The following GPC5 variants were observed in gnomAD, a reference collection of about 807,000 sequenced individuals.
The protein encoded by GPC5 is glypican 5.
Under a neutral mutation model 53.9 loss-of-function variants are expected in GPC5, and 47 were observed. The ratio of observed to expected loss-of-function variants is 0.87; its 90% confidence interval spans 0.69 to 1.11. The LOEUF is 1.11. Among genes scored for constraint, GPC5 ranks in the 50% most tolerant of loss-of-function variants. The pLI is 0.00. For synonymous variants in GPC5, 286 were observed against 263.3 expected, an observed-to-expected ratio of 1.09 and a Z score of -0.84; for missense variants, 748 against 713.1, an observed-to-expected ratio of 1.05 and a Z score of -0.56.
chr13:91,497,186 A>G (rs1189120005), intron 2 of GPC5, among the ~76,000 whole-genome samples: 5 of 152,170 alleles, frequency 3.3e-5, no homozygotes, highest in Non-Finnish European at 5.9e-5. Context: ...AGTTTTATAT[A>G]TAGATCTAGC....
At chr13:92,628,732 C>G (rs148512843) in intron 7 of GPC5, among the ~76,000 whole-genome samples, 75 of 152,198 alleles carry the variant, frequency 4.9e-4, no homozygotes, top group African/African-American at 1.8e-3. Context: ...GTGTTCAAAC[C>G]CCTGACTCCT....
At chr13:92,058,438 C>T (rs2041093958) in intron 6 of GPC5, among the ~76,000 whole-genome samples, 1 of 152,180 alleles carries the variant, frequency 6.6e-6, no homozygotes. Context: ...ACATGCACAA[C>T]CTTGCTCACT....
intron 7 of GPC5, among the ~76,000 whole-genome samples, chr13:92,349,558 A>G (rs981634824): frequency 6.6e-5 from 10 of 151,998 alleles, no homozygotes; most frequent in Non-Finnish European, 1.2e-4. Context: ...TCTGAGGTGA[A>G]ATCAGAGACA....
chr13:92,460,312 A>G (rs1261593868), intron 7 of GPC5, among the ~76,000 whole-genome samples: 1 of 152,148 alleles, frequency 6.6e-6, no homozygotes, highest in Non-Finnish European at 1.5e-5. Flanking sequence ...AAATCAATGT[A>G]TTTTAAAAAA....
At position 92,252,563 on chromosome 13, in the gene GPC5, A is replaced by G. The variant is rs149711524; in HGVS notation, c.1561+107574A>G. On this transcript the variant is annotated intron_variant, in intron 7 of 7. Transcript: ENST00000377067. The stretch of plus-strand genomic sequence containing the variant: ...GGTAAGAATGTTATAGAGTAAAAAT[A>G]CATCTATAGATATGTATTTACATAT... Among the ~76,000 whole-genome samples, 766 of 152,198 alleles carry G rather than the reference A, an allele frequency of 5.0e-3. 11 individuals are homozygous for G. Among genetic ancestry groups the G allele is most frequent in the South Asian group, 0.04 (192 of 4,830 alleles).
At chr13:92,445,367 A>G (rs1438127080) in intron 7 of GPC5, among the ~76,000 whole-genome samples, 1 of 149,724 alleles carries the variant, frequency 6.7e-6, no homozygotes, top group Non-Finnish European at 1.5e-5. Flanking sequence ...CACATTGTGC[A>G]GGTTAGTTAC....
chr13:92,281,231 G>A (rs886124450), intron 7 of GPC5, among the ~76,000 whole-genome samples: 1 of 152,198 alleles, frequency 6.6e-6, no homozygotes, highest in Non-Finnish European at 1.5e-5. Context: ...GGCTTCAGTA[G>A]GTAAACAGAG....
chr13:92,313,574 C>A (rs2043159529), intron 7 of GPC5, among the ~76,000 whole-genome samples: 1 of 152,174 alleles, frequency 6.6e-6, no homozygotes, highest in Non-Finnish European at 1.5e-5. Flanking sequence ...GAAGTTGTTT[C>A]CCTTGCATCA....
At chr13:92,411,729 A>C (rs1337020832) in intron 7 of GPC5, among the ~76,000 whole-genome samples, 1 of 152,206 alleles carries the variant, frequency 6.6e-6, no homozygotes, top group East Asian at 1.9e-4. Flanking sequence ...TGCCCTAATT[A>C]AACAAGTATC....
chr13:92,259,284 T>C (rs2042748474), intron 7 of GPC5, among the ~76,000 whole-genome samples: 1 of 152,186 alleles, frequency 6.6e-6, no homozygotes, highest in Admixed American at 6.5e-5. Context: ...TGTTCTCCCT[T>C]CCTCTTTCCG....
chr13:91,554,932 CA>C (rs1368818382), intron 2 of GPC5, among the ~76,000 whole-genome samples: 1 of 152,056 alleles, frequency 6.6e-6, no homozygotes. Flanking sequence ...TGTCTTCAAA[CA>C]AGAAAAGAAT....
intron 7 of GPC5, among the ~76,000 whole-genome samples, chr13:92,234,186 G>T (rs2042552461): frequency 6.6e-6 from 1 of 152,130 alleles, no homozygotes; most frequent in Admixed American, 6.6e-5. Context: ...TAATGAGATT[G>T]CTGGGACAAA....
At chr13:92,119,546 G>A (rs535403804) in intron 6 of GPC5, among the ~76,000 whole-genome samples, 88 of 143,794 alleles carry the variant, frequency 6.1e-4, no homozygotes, top group African/African-American at 1.6e-3. Flanking sequence ...ACTACAAGGC[G>A]CCCGCCACCT....
At chr13:92,228,781 AAAAG>A (rs2042507904) in intron 7 of GPC5, among the ~76,000 whole-genome samples, 1 of 152,088 alleles carries the variant, frequency 6.6e-6, no homozygotes, top group African/African-American at 2.4e-5. Flanking sequence ...GAACTAAAAG[AAAAG>A]AAAGAACTTG....
chr13:92,527,417 T>C (rs1371650833), intron 7 of GPC5, among the ~76,000 whole-genome samples: 4 of 152,086 alleles, frequency 2.6e-5, no homozygotes, highest in African/African-American at 7.2e-5. Context: ...GTATGGTTAA[T>C]AGCCAAAACT....
intron 7 of GPC5, among the ~76,000 whole-genome samples, chr13:92,703,940 T>C (rs1887854326): frequency 6.6e-6 from 1 of 152,022 alleles, no homozygotes; most frequent in Admixed American, 6.6e-5. Flanking sequence ...TCTTTACCCA[T>C]TATTTTGTTA....
intron 6 of GPC5, among the ~76,000 whole-genome samples, chr13:92,130,175 A>G (rs1566448238): frequency 6.6e-6 from 1 of 152,082 alleles, no homozygotes; most frequent in Non-Finnish European, 1.5e-5. Flanking sequence ...AACCAGTGAA[A>G]AACACAAAAG....
At chr13:91,939,568 G>A (rs543051725) in intron 6 of GPC5, among the ~76,000 whole-genome samples, 15 of 152,222 alleles carry the variant, frequency 9.9e-5, no homozygotes, top group African/African-American at 3.6e-4. Flanking sequence ...GTTTTCCCAA[G>A]CATAGAGTTC....
chr13:92,635,435 C>T (rs901598406), intron 7 of GPC5, among the ~76,000 whole-genome samples: 2 of 152,182 alleles, frequency 1.3e-5, no homozygotes, highest in Non-Finnish European at 2.9e-5. Flanking sequence ...CATCTTATGG[C>T]AGGAAGTGGA....
Sources: allele counts gnomAD v4.1 joint callset (sites outside exome capture counted in the v4.1 genomes callset), GRCh38; gene constraint gnomAD v4.1.1; transcripts MANE v1.5; gene names NCBI Gene and HGNC (gene_info 2026-07-23, HGNC 2026-07-21).